CLIP1: variants seen among roughly 807,000 people sequenced by gnomAD.
CLIP1 encodes the protein CAP-Gly domain containing linker protein 1, also known as CAP-Gly domain-containing linker protein 1.
CLIP1 carries 66 observed loss-of-function variants against 161.6 expected under a neutral mutation model. The observed-to-expected ratio is 0.41, with a 90% CI of 0.33 to 0.50. CLIP1 has a LOEUF of 0.50. Ranked by LOEUF, CLIP1 falls within the 20% of genes least tolerant of loss-of-function variation. The pLI is 0.27. For missense variants in CLIP1, 1,376 were observed against 1,702.0 expected, an observed-to-expected ratio of 0.81 and a Z score of 3.37; for synonymous variants, 598 against 626.2, an observed-to-expected ratio of 0.96 and a Z score of 0.67.
intron 10 of CLIP1, 94 bp downstream of exon 10, chr12:122,347,281 G>A: frequency 1.1e-6 from 1 of 875,426 alleles, no homozygotes. Context: ...TTGAACCACT[G>A]GGTCAAGGCT....
intron 17 of CLIP1, 127 bp from the exon 18 acceptor site, chr12:122,319,475 G>A (rs2136630106): frequency 1.5e-6 from 1 of 685,778 alleles, no homozygotes; most frequent in Non-Finnish European, 2.6e-6. Context: ...CAGAGAGGGT[G>A]AATCAGTCAC....
intron 18 of CLIP1, among the ~76,000 whole-genome samples, chr12:122,318,707 CAA>C (rs2136620097): frequency 6.6e-6 from 1 of 152,152 alleles, no homozygotes; most frequent in South Asian, 2.1e-4. Context: ...CAGGGAAATC[CAA>C]AGAGGAGGAG....
At chr12:122,349,859 A>C (rs910903078) in intron 9 of CLIP1, among the ~76,000 whole-genome samples, 4 of 152,090 alleles carry the variant, frequency 2.6e-5, no homozygotes, top group Non-Finnish European at 5.9e-5. Flanking sequence ...CTTCAGAACG[A>C]AGACCTTTTA....
At chr12:122,303,312 T>C (rs552071452) in intron 20 of CLIP1, among the ~76,000 whole-genome samples, 3 of 152,206 alleles carry the variant, frequency 2.0e-5, no homozygotes, top group Non-Finnish European at 2.9e-5. Context: ...TTCTTTCTCT[T>C]TTCCCTCTTA....
intron 17 of CLIP1, 124 bp from the exon 18 acceptor site, chr12:122,319,472 G>A: frequency 1.4e-6 from 1 of 691,978 alleles, no homozygotes; most frequent in Non-Finnish European, 2.6e-6. Flanking sequence ...ACACAGAGAG[G>A]GTGAATCAGT....
intron 20 of CLIP1, among the ~76,000 whole-genome samples, chr12:122,297,801 G>A (rs1319170131): frequency 6.6e-6 from 1 of 152,152 alleles, no homozygotes; most frequent in Non-Finnish European, 1.5e-5. Flanking sequence ...CACAGTGATC[G>A]GCTGCACAGA....
intron 1 of CLIP1, among the ~76,000 whole-genome samples, chr12:122,420,964 T>TAGAC (rs1175965741): frequency 2.0e-5 from 3 of 150,714 alleles, no homozygotes; most frequent in South Asian, 4.2e-4. Flanking sequence ...GATGGATGGA[T>TAGAC]AGACAGACAG....
chr12:122,394,784 C>T (rs891001881), intron 1 of CLIP1, among the ~76,000 whole-genome samples: 5 of 151,838 alleles, frequency 3.3e-5, no homozygotes, highest in African/African-American at 7.3e-5. Context: ...TCCCAGGAGG[C>T]GGAGGTTGCA....
In CLIP1 at chr12:122,417,281, A is replaced by T. The variant is rs73405863; in HGVS notation, c.-107+5240T>A. 9.0e-3 allele frequency among the ~76,000 whole-genome samples: 1,365 copies of T among 151,762 alleles called. 8 individuals are homozygous for T. The highest frequency in any genetic ancestry group is 0.03 in the African/African-American group (1,257 of 41,348). Reference sequence around the variant, plus strand: ...ATTGCACTCCAGCCTGGGGGACAAAAACAAGATTTTGTCTTAAAAACAAAA... The same window carrying T: ...ATTGCACTCCAGCCTGGGGGACAAATACAAGATTTTGTCTTAAAAACAAAA... On this transcript the variant is annotated intron_variant, in intron 1 of 25. Transcript: ENST00000620786.
intron 1 of CLIP1, chr12:122,395,597 T>C (rs367596924): frequency 2.6e-5 from 4 of 152,242 alleles, no homozygotes; most frequent in South Asian, 4.1e-4. Flanking sequence ...TAAGAAATTA[T>C]CCTCCCATCT....
intron 20 of CLIP1, 87 bp from the exon 21 acceptor site, chr12:122,288,628 C>T: frequency 8.7e-7 from 1 of 1,145,350 alleles, no homozygotes; most frequent in Non-Finnish European, 1.3e-6. Flanking sequence ...CCCCAGGCTC[C>T]AGGACAGCTA....
At chr12:122,341,774 T>TGAGA in intron 10 of CLIP1, 77 bp from the exon 11 acceptor site, 3 of 624,124 alleles carry the variant, frequency 4.8e-6, no homozygotes, top group South Asian at 3.8e-5. Flanking sequence ...TTTTTTTTTT[T>TGAGA]TTTTTTTTTT....
At chr12:122,393,857 A>G (rs1187034692) in intron 1 of CLIP1, among the ~76,000 whole-genome samples, 2 of 146,866 alleles carry the variant, frequency 1.4e-5, no homozygotes, top group Non-Finnish European at 3.0e-5. Context: ...AGTTGTGGTT[A>G]GCTGAGATCA....
intron 17 of CLIP1, chr12:122,324,457 T>C (rs1206056402): frequency 6.6e-6 from 1 of 152,224 alleles, no homozygotes; most frequent in Non-Finnish European, 1.5e-5. Context: ...AATAACTTAA[T>C]GTAACCTAAA....
At position 122,328,440 on chromosome 12, in the gene CLIP1, C is replaced by A. The variant is rs1951795158; in HGVS notation, c.2868-14G>T. ...TCTTCTACATCTCTAGAAAAAGTTT[C>A]AATATAAGGTGTCAGATTTTTCATA... On this transcript the variant is annotated splice_polypyrimidine_tract_variant and intron_variant, in intron 15 of 25. Transcript: ENST00000620786. 6.6e-7 allele frequency: 1 copy of A among 1,507,628 alleles called. No homozygotes were observed. The highest frequency in any genetic ancestry group is 1.4e-5 in the African/African-American group (1 of 71,204). 93.4% of individuals were successfully genotyped at this position (1,507,628 alleles called of 1,614,324 possible).
At chr12:122,398,386 C>T (rs1593245707) in intron 1 of CLIP1, among the ~76,000 whole-genome samples, 1 of 149,542 alleles carries the variant, frequency 6.7e-6, no homozygotes, top group Non-Finnish European at 1.5e-5. Context: ...GATCACGCCA[C>T]TGCACTCCAG....
At chr12:122,366,169 T>C (rs1199819644) in intron 3 of CLIP1, among the ~76,000 whole-genome samples, 1 of 151,534 alleles carries the variant, frequency 6.6e-6, no homozygotes, top group Non-Finnish European at 1.5e-5. Flanking sequence ...CAGCTGGGTG[T>C]GGTGGCTCAC....
chr12:122,315,618 T>A (rs1411656005), intron 19 of CLIP1, among the ~76,000 whole-genome samples: 1 of 150,136 alleles, frequency 6.7e-6, no homozygotes, highest in Non-Finnish European at 1.5e-5. Context: ...TCATTTCATT[T>A]CCATGCCAGA....
At chr12:122,412,752 G>A (rs372251271) in intron 1 of CLIP1, among the ~76,000 whole-genome samples, 1 of 151,800 alleles carries the variant, frequency 6.6e-6, no homozygotes, top group East Asian at 1.9e-4. Flanking sequence ...CTGTGTTTTT[G>A]TATCTATGCA....
Sources: allele counts gnomAD v4.1 joint callset (sites outside exome capture counted in the v4.1 genomes callset), GRCh38; gene constraint gnomAD v4.1.1; transcripts MANE v1.5; gene names NCBI Gene and HGNC (gene_info 2026-07-23, HGNC 2026-07-21).